Variants in KAZN observed in about 807,000 individuals in gnomAD.
The protein encoded by KAZN is kazrin.
In KAZN, 40 loss-of-function variants were observed where a neutral mutation model predicts 87.4. The observed-to-expected ratio is 0.46, with a 90% CI of 0.36 to 0.60. KAZN has a LOEUF of 0.60. Ranked by LOEUF, KAZN falls within the 20% of genes least tolerant of loss-of-function variation. KAZN has a pLI of 0.00. For missense variants in KAZN, 898 were observed against 1,073.9 expected (o/e 0.84, Z 2.29); for synonymous variants, 466 against 458.3 (o/e 1.02, Z -0.22).
rs190618379 is a variant in KAZN, at chr1:14,991,501, G to A, written c.418+30626G>A. Among the ~76,000 whole-genome samples the A allele has an allele frequency of 5.3e-5, 8 of 152,310 alleles. No individual in the cohort carries two copies. In the East Asian group the frequency reaches 1.5e-3, roughly 29 times the overall value. The stretch of plus-strand genomic sequence containing the variant: ...ATCCTCTGCTGTTAGCCTCTTCCGT[G>A]TCCTTCCTAGGAGCCCGAGGAATGT... On this transcript the variant is annotated intron_variant, in intron 2 of 14. Transcript: ENST00000376030.
At chr1:14,094,591 A>G (rs911348997) in intron 1 of KAZN, among the ~76,000 whole-genome samples, 2 of 152,240 alleles carry the variant, frequency 1.3e-5, no homozygotes, top group African/African-American at 2.4e-5. Flanking sequence ...TCCAAAAAAT[A>G]TATTGCAAAT....
At position 15,112,442 on chromosome 1, in the gene KAZN, G is replaced by C; in HGVS notation, c.2064G>C (p.Arg688=). ...CTCTCTTCAGCTCCACAGGCATCCGGGAGGCTGAGCGTTTTGGAACGCCCC... is the reference window on the plus strand; with the variant it reads ...CTCTCTTCAGCTCCACAGGCATCCGCGAGGCTGAGCGTTTTGGAACGCCCC... ...VFHPANSTGI[R]EAERFGTPPG... Residue 688 remains arginine, a synonymous_variant, in exon 14 of 15, where the codon CGG becomes CGC. Coordinates refer to ENST00000376030, the MANE Select transcript of KAZN (RefSeq NM_201628.3). The C allele has an allele frequency of 6.2e-7, 1 of 1,600,622 alleles. No individual in the cohort carries two copies. Among genetic ancestry groups the C allele is most frequent in the Middle Eastern group, 1.7e-4 (1 of 6,004 alleles).
At chr1:14,308,465 G>A (rs1322618581) in intron 2 of KAZN, among the ~76,000 whole-genome samples, 1 of 152,184 alleles carries the variant, frequency 6.6e-6, no homozygotes, top group East Asian at 1.9e-4. Context: ...AAAACAGGTG[G>A]ATCTGGGTAA....
chr1:15,111,871 AGGCAGGCTGTAGTT>A (rs1195097580), intron 13 of KAZN: 1 of 153,914 alleles, frequency 6.5e-6, no homozygotes, highest in East Asian at 1.9e-4. Context: ...TTTGACCTGC[AGGCAGGCTGTAGTT>A]GGCCAAATCC....
intron 1 of KAZN, among the ~76,000 whole-genome samples, chr1:14,651,597 C>A (rs1255941125): frequency 6.6e-6 from 1 of 152,144 alleles, no homozygotes. Flanking sequence ...TGGTACAAAA[C>A]CATTGACTCA....
chr1:14,867,734 C>G (rs1651647906), intron 1 of KAZN, among the ~76,000 whole-genome samples: 1 of 129,046 alleles, frequency 7.7e-6, no homozygotes, highest in Non-Finnish European at 1.7e-5. Context: ...ACCCCCCCCC[C>G]CACCCTGGGC....
intron 1 of KAZN, among the ~76,000 whole-genome samples, chr1:13,899,171 G>A (rs12408392): frequency 0.36 from 54,106 of 152,070 alleles, 9,770 homozygotes; most frequent in South Asian, 0.49. Context: ...TCGCCATGGC[G>A]AACTGCTGGC....
At chr1:14,033,609 GT>G (rs1470977008) in intron 1 of KAZN, among the ~76,000 whole-genome samples, 10 of 152,206 alleles carry the variant, frequency 6.6e-5, no homozygotes, top group Admixed American at 2.6e-4. Flanking sequence ...CCACTGGAAG[GT>G]TATTGAAAGT....
At chr1:14,976,120 C>T (rs12727300) in intron 2 of KAZN, among the ~76,000 whole-genome samples, 18 of 151,672 alleles carry the variant, frequency 1.2e-4, no homozygotes, top group South Asian at 4.2e-4. Flanking sequence ...CCGCACACTG[C>T]GAGCCTGTTG....
At chr1:14,676,362 G>A (rs1401743040) in intron 1 of KAZN, among the ~76,000 whole-genome samples, 2 of 152,186 alleles carry the variant, frequency 1.3e-5, no homozygotes, top group Non-Finnish European at 2.9e-5. Flanking sequence ...TAGGAGGATC[G>A]ACTTTGATTC....
At chr1:14,173,814 GGC>G (rs1267526527) in intron 1 of KAZN, among the ~76,000 whole-genome samples, 20 of 152,280 alleles carry the variant, frequency 1.3e-4, no homozygotes, top group African/African-American at 4.6e-4. Flanking sequence ...GGATTGGCCA[GGC>G]CTGGACCACG....
intron 1 of KAZN, among the ~76,000 whole-genome samples, chr1:14,954,306 G>C (rs142152790): frequency 6.6e-6 from 1 of 152,246 alleles, no homozygotes; most frequent in African/African-American, 2.4e-5. Flanking sequence ...TGGTTCCCCA[G>C]CGTCAGCAGA....
chr1:14,001,563 A>G (rs1463113855), intron 1 of KAZN, among the ~76,000 whole-genome samples: 1 of 152,212 alleles, frequency 6.6e-6, no homozygotes, highest in African/African-American at 2.4e-5. Context: ...CTAGGCAAAA[A>G]GAACAAAGCT....
rs1363037029 is a variant in KAZN at position 14,958,840 on chromosome 1, G to A, written c.227-1844G>A. Among the ~76,000 whole-genome samples, 6 of 152,318 alleles carry A rather than the reference G, an allele frequency of 3.9e-5. No individual in the cohort carries two copies. The South Asian group carries it at 8.3e-4, about 21-fold the overall frequency. The stretch of plus-strand genomic sequence containing the variant: ...TGGAGGGAAGGGGAAGGCAGTGTGG[G>A]GAGGGGAGGGGAGGAGTCCGTGCAG... On this transcript the variant is annotated intron_variant, in intron 1 of 14. Transcript: ENST00000376030.
intron 2 of KAZN, among the ~76,000 whole-genome samples, chr1:14,351,676 CCAAA>C (rs1658560726): frequency 6.6e-6 from 1 of 152,168 alleles, no homozygotes; most frequent in African/African-American, 2.4e-5. Flanking sequence ...GCTAGTCCCT[CCAAA>C]CAAAGAACAG....
intron 2 of KAZN, among the ~76,000 whole-genome samples, chr1:14,426,832 C>T (rs12134343): frequency 0.063 from 9,526 of 152,134 alleles, 421 homozygotes; most frequent in South Asian, 0.11. Context: ...CTTCTGATCA[C>T]ACCAACCCTG....
At chr1:14,478,697 C>T (rs532385454) in intron 2 of KAZN, among the ~76,000 whole-genome samples, 20 of 152,308 alleles carry the variant, frequency 1.3e-4, no homozygotes, top group East Asian at 7.7e-4. Flanking sequence ...ATCCCTACCT[C>T]GTGCTCCATG....
At chr1:14,353,125 C>T (rs908819157) in intron 2 of KAZN, among the ~76,000 whole-genome samples, 1 of 152,000 alleles carries the variant, frequency 6.6e-6, no homozygotes, top group East Asian at 1.9e-4. Context: ...TTGCTTCCAT[C>T]ATTGGCCAAA....
At chr1:14,744,928 C>T (rs1205836444) in intron 1 of KAZN, among the ~76,000 whole-genome samples, 2 of 152,162 alleles carry the variant, frequency 1.3e-5, no homozygotes, top group Non-Finnish European at 2.9e-5. Context: ...GTCATCACTG[C>T]CCTGGCTCCT....
Sources: allele counts gnomAD v4.1 joint callset (sites outside exome capture counted in the v4.1 genomes callset), GRCh38; gene constraint gnomAD v4.1.1; transcripts MANE v1.5; gene names NCBI Gene and HGNC (gene_info 2026-07-23, HGNC 2026-07-21).